The following TMEM62 variants were observed in gnomAD, a reference collection of about 807,000 sequenced individuals.
TMEM62 encodes transmembrane protein 62.
In TMEM62, 41 loss-of-function variants were observed where a neutral mutation model predicts 70.4. The observed-to-expected ratio is 0.58, with a 90% CI of 0.45 to 0.76. The LOEUF (loss-of-function observed/expected upper bound fraction) is 0.76. Ranked by LOEUF, TMEM62 falls within the 30% of genes least tolerant of loss-of-function variation. TMEM62 has a pLI of 0.00. For synonymous variants in TMEM62, 268 were observed against 291.0 expected (o/e 0.92, Z 0.80); for missense variants, 688 against 788.5 (o/e 0.87, Z 1.53).
intron 3 of TMEM62, 86 bp downstream of exon 3, chr15:43,135,735 T>G: frequency 6.9e-7 from 1 of 1,443,652 alleles, no homozygotes; most frequent in East Asian, 2.4e-5. Context: ...ATTGTAAAAT[T>G]ATAAAGTGGG....
chr15:43,149,715 C>T (rs1294724584), intron 7 of TMEM62, among the ~76,000 whole-genome samples: 1 of 152,100 alleles, frequency 6.6e-6, no homozygotes. Flanking sequence ...AGCCATGGCG[C>T]CTGGCCCAAA....
At chr15:43,163,879 T>C (rs2039065704) in intron 10 of TMEM62, among the ~76,000 whole-genome samples, 2 of 152,210 alleles carry the variant, frequency 1.3e-5, no homozygotes, top group South Asian at 4.1e-4. Flanking sequence ...TGGATTCCAG[T>C]GACGGTCCAG....
At chr15:43,140,166 T>C (rs2035799906) in intron 4 of TMEM62, among the ~76,000 whole-genome samples, 1 of 152,132 alleles carries the variant, frequency 6.6e-6, no homozygotes, top group South Asian at 2.1e-4. Context: ...TTTCCGCTTG[T>C]AGATTTTGCG....
Position 43,143,063 on chromosome 15 carries a change from CT to C in TMEM62, c.477-3419del, listed in dbSNP as rs955463007. On this transcript the variant is annotated intron_variant, in intron 4 of 13. Transcript: ENST00000260403. ...AGACTATAGTATGGTGTAAACATAA[CT>C]TTTTTTTTTTCTTTTGAGACAGGAT... is the stretch of plus-strand genomic sequence containing the variant. Among the ~76,000 whole-genome samples, 44 of 146,292 alleles carry C rather than the reference CT, an allele frequency of 3.0e-4. No homozygotes were observed. The East Asian group carries it at 3.2e-3, about 11-fold the overall frequency.
At chr15:43,158,456 G>A (rs931327653) in intron 9 of TMEM62, among the ~76,000 whole-genome samples, 1 of 152,192 alleles carries the variant, frequency 6.6e-6, no homozygotes, top group Non-Finnish European at 1.5e-5. Context: ...AGCTACCAAC[G>A]CCATGCTAAG....
intron 3 of TMEM62, among the ~76,000 whole-genome samples, chr15:43,137,394 A>G (rs1160023232): frequency 6.6e-6 from 1 of 152,248 alleles, no homozygotes; most frequent in African/African-American, 2.4e-5. Flanking sequence ...TCTCTAGTAT[A>G]CTAAGTGCCT....
rs745907596 is a variant in TMEM62 at position 43,166,574 on chromosome 15, T to TA, written c.1297-3018dup. On this transcript the variant is annotated intron_variant, in intron 10 of 13. Transcript: ENST00000260403. ...AGGTTTTTCTTTTTTTTTTTTTTTT[T>TA]ATTGATCATTCTTGGGTGTTTCTCG... 1.3e-3 allele frequency among the ~76,000 whole-genome samples: 193 copies of TA among 150,052 alleles called. 1 individual carries two copies. The highest frequency in any genetic ancestry group is 3.4e-3 in the Middle Eastern group (1 of 292).
At chr15:43,170,411 G>A (rs1240898798) in intron 11 of TMEM62, among the ~76,000 whole-genome samples, 4 of 152,136 alleles carry the variant, frequency 2.6e-5, no homozygotes, top group African/African-American at 9.7e-5. Context: ...TGCCAAAGAT[G>A]TCAAAAGGTT....
At chr15:43,173,606 C>A (rs920099066) in intron 11 of TMEM62, among the ~76,000 whole-genome samples, 5 of 152,170 alleles carry the variant, frequency 3.3e-5, no homozygotes, top group African/African-American at 7.2e-5. Context: ...ATAGTATTAT[C>A]CCTACTTTAA....
chr15:43,160,720 T>C lies in TMEM62; in HGVS notation c.1222T>C (p.Ser408Pro), dbSNP rs765550952. The change falls in exon 10 of 14, where the codon TCT becomes CCT. Residue 408 changes from serine (S) to proline (P), a missense_variant. Physicochemically the swap from Ser to Pro is moderately conservative, Grantham distance 74. Transcript: ENST00000260403. ...AAGTAAGAGTGTTCACCACATATTT[T>C]CTGTTCAAGAGAATAATCATCTCAG... ...GRSKSVHHIFSVQENNHLSFD... is the reference protein window; with the variant it reads ...GRSKSVHHIFPVQENNHLSFD... The C allele has an allele frequency of 6.2e-7, 1 of 1,613,052 alleles. No individual in the cohort carries two copies. The highest frequency in any genetic ancestry group is 1.1e-5 in the South Asian group (1 of 90,978).
chr15:43,161,986 T>C (rs1467042142), intron 10 of TMEM62, among the ~76,000 whole-genome samples: 1 of 152,078 alleles, frequency 6.6e-6, no homozygotes, highest in African/African-American at 2.4e-5. Flanking sequence ...TTTTTGTATA[T>C]GTATTTTTAA....
chr15:43,155,881 A>G (rs2037992173), intron 9 of TMEM62, among the ~76,000 whole-genome samples: 1 of 152,224 alleles, frequency 6.6e-6, no homozygotes, highest in Non-Finnish European at 1.5e-5. Flanking sequence ...TTGTTAGCAT[A>G]TGCAGTACCA....
intron 10 of TMEM62, among the ~76,000 whole-genome samples, chr15:43,166,386 C>G (rs920003987): frequency 2.6e-5 from 4 of 152,104 alleles, no homozygotes; most frequent in Admixed American, 2.0e-4. Context: ...CAGCAAACAC[C>G]TATGTATCCA....
At chr15:43,167,161 G>A (rs1299028233) in intron 10 of TMEM62, among the ~76,000 whole-genome samples, 1 of 150,984 alleles carries the variant, frequency 6.6e-6, no homozygotes, top group Non-Finnish European at 1.5e-5. Flanking sequence ...GGCCAGGCGG[G>A]GGGCTGACCC....
intron 13 of TMEM62, among the ~76,000 whole-genome samples, chr15:43,182,234 C>T (rs1179456102): frequency 1.3e-5 from 2 of 152,120 alleles, no homozygotes. Context: ...AGTTAGTGGA[C>T]CAAAATTTGA....
intron 11 of TMEM62, among the ~76,000 whole-genome samples, chr15:43,176,914 A>G (rs1482550045): frequency 6.6e-6 from 1 of 152,084 alleles, no homozygotes; most frequent in Non-Finnish European, 1.5e-5. Context: ...ATTCAAACCA[A>G]AGGCAAAGAA....
At chr15:43,140,413 A>G (rs1596203497) in intron 4 of TMEM62, among the ~76,000 whole-genome samples, 1 of 152,130 alleles carries the variant, frequency 6.6e-6, no homozygotes, top group South Asian at 2.1e-4. Flanking sequence ...AGCCAGCTGC[A>G]TTTGTTGTCC....
At chr15:43,152,770 T>A (rs1325409809) in intron 8 of TMEM62, among the ~76,000 whole-genome samples, 1 of 152,190 alleles carries the variant, frequency 6.6e-6, no homozygotes. Context: ...ATATAACTTG[T>A]TTCAAATGTA....
Position 43,181,209 on chromosome 15 carries a change from T to C in TMEM62, c.1515T>C (p.Asp505=), listed in dbSNP as rs1159147605. Residue 505 remains aspartate, a synonymous_variant, in exon 13 of 14, where the codon GAT becomes GAC. Coordinates refer to ENST00000260403, the MANE Select transcript of TMEM62 (RefSeq NM_024956.4). The stretch of plus-strand genomic sequence containing the variant: ...CATGGTTTTTTGGTGAAATCATTGA[T>C]GGCAAATTTGGTTGCTGCTTTTCCT... ...LGPWFFGEII[D]GKFGCCFSFG... is the part of the protein sequence containing the mutation. 3 of 1,613,830 alleles carry C rather than the reference T, an allele frequency of 1.9e-6. No homozygotes were observed. The highest frequency in any genetic ancestry group is 1.7e-5 in the Admixed American group (1 of 60,008).
Sources: allele counts gnomAD v4.1 joint callset (sites outside exome capture counted in the v4.1 genomes callset), GRCh38; gene constraint gnomAD v4.1.1; transcripts MANE v1.5; gene names NCBI Gene and HGNC (gene_info 2026-07-23, HGNC 2026-07-21).